ATP2B2: variants seen among roughly 807,000 people sequenced by gnomAD.
The protein encoded by ATP2B2 is ATPase plasma membrane Ca2+ transporting 2.
In ATP2B2, 15 loss-of-function variants were observed where a neutral mutation model predicts 120.0. That is an observed-to-expected ratio of 0.12 (90% CI 0.08 to 0.19). The LOEUF (loss-of-function observed/expected upper bound fraction) is 0.19. ATP2B2 is among the 10% of genes least tolerant of loss of function. ATP2B2 has a pLI of 1.00. For missense variants in ATP2B2, 1,045 were observed against 1,719.8 expected (o/e 0.61, Z 6.94); for synonymous variants, 694 against 700.3 (o/e 0.99, Z 0.14).
At chr3:10,348,140 C>A (rs976861839) in intron 16 of ATP2B2, among the ~76,000 whole-genome samples, 2 of 152,156 alleles carry the variant, frequency 1.3e-5, no homozygotes, top group African/African-American at 2.4e-5. Flanking sequence ...TCTCCCTCCT[C>A]GCTCGATGTC....
intron 2 of ATP2B2, among the ~76,000 whole-genome samples, chr3:10,559,717 C>T (rs913764531): frequency 6.6e-6 from 1 of 152,202 alleles, no homozygotes; most frequent in Non-Finnish European, 1.5e-5. Context: ...ATCTGCACAA[C>T]TCATTGGCTC....
intron 22 of ATP2B2, chr3:10,336,093 C>A: frequency 6.5e-7 from 1 of 1,545,706 alleles, no homozygotes; most frequent in South Asian, 1.2e-5. Flanking sequence ...CTGGCGTGGG[C>A]AGTGCCAGCC....
At chr3:10,601,975 G>C (rs1449810631) in intron 2 of ATP2B2, among the ~76,000 whole-genome samples, 2 of 152,240 alleles carry the variant, frequency 1.3e-5, no homozygotes, top group African/African-American at 4.8e-5. Flanking sequence ...GATCCAGGCT[G>C]CCTAACCCTG....
chr3:10,586,892 A>G (rs2068521963), intron 2 of ATP2B2, among the ~76,000 whole-genome samples: 2 of 152,112 alleles, frequency 1.3e-5, no homozygotes, highest in African/African-American at 2.4e-5. Flanking sequence ...CCCTGCTCAC[A>G]TGGCACCTCC....
intron 6 of ATP2B2, 134 bp downstream of exon 6, chr3:10,388,143 G>C: frequency 7.6e-7 from 1 of 1,324,020 alleles, no homozygotes; most frequent in South Asian, 1.2e-5. Flanking sequence ...CCTTAAGGAT[G>C]CAGGAGGTGG....
rs1481204595 is a variant in ATP2B2 at position 10,580,785 on chromosome 3, CA to C, written c.-415+39131del. Among the ~76,000 whole-genome samples the C allele has an allele frequency of 2.6e-5, 4 of 152,220 alleles. No homozygotes were observed. In the East Asian group the frequency reaches 7.7e-4, roughly 29 times the overall value. ...TCCATAGACCAGGTGCTGGCCCAAC[CA>C]CAGCCTGTGGCCACATCAGGCTTCA... is the stretch of plus-strand genomic sequence containing the variant. On this transcript the variant is annotated intron_variant, in intron 2 of 21. Transcript: ENST00000646379.
At chr3:10,398,970 G>T (rs1449776746) in intron 5 of ATP2B2, among the ~76,000 whole-genome samples, 1 of 152,108 alleles carries the variant, frequency 6.6e-6, no homozygotes, top group African/African-American at 2.4e-5. Context: ...TCTGCCCGTC[G>T]TATCTTTTCC....
chr3:10,541,112 T>C (rs573245470), intron 2 of ATP2B2, among the ~76,000 whole-genome samples: 1 of 152,310 alleles, frequency 6.6e-6, no homozygotes, highest in Non-Finnish European at 1.5e-5. Context: ...TTATTCTTTG[T>C]TTCATTCTCA....
intron 1 of ATP2B2, among the ~76,000 whole-genome samples, chr3:10,496,788 G>C (rs1016232662): frequency 6.6e-6 from 1 of 152,206 alleles, no homozygotes; most frequent in African/African-American, 2.4e-5. Flanking sequence ...TTGTTTCAAA[G>C]ATGGGAAACT....
intron 1 of ATP2B2, among the ~76,000 whole-genome samples, chr3:10,494,954 CCA>C (rs1429348186): frequency 1.3e-5 from 2 of 152,312 alleles, no homozygotes; most frequent in African/African-American, 2.4e-5. Context: ...GGAATTTGAA[CCA>C]CAGTTTCCTC....
Position 10,596,963 on chromosome 3 carries a change from GCACA to G in ATP2B2, c.-415+22950_-415+22953del, listed in dbSNP as rs564470341. On this transcript the variant is annotated intron_variant, in intron 2 of 21. Transcript: ENST00000646379. Reference sequence around the variant, plus strand: ...TGGCACACCACAGGCGAGTACGCGTGCACACACACAGGCACACGCACACGCAGGT... The same window carrying G: ...TGGCACACCACAGGCGAGTACGCGTGCACACAGGCACACGCACACGCAGGT... Among the ~76,000 whole-genome samples, 399 of 152,180 alleles carry G rather than the reference GCACA, an allele frequency of 2.6e-3. 2 individuals carry two copies. Among genetic ancestry groups the G allele is most frequent in the Non-Finnish European group, 3.9e-3 (265 of 67,980 alleles).
chr3:10,585,481 G>A (rs112697764), intron 2 of ATP2B2, among the ~76,000 whole-genome samples: 4,379 of 97,506 alleles, frequency 0.045, 120 homozygotes, highest in East Asian at 0.22. Flanking sequence ...GCGACAGAGC[G>A]AGACTCCGTC....
intron 1 of ATP2B2, among the ~76,000 whole-genome samples, chr3:10,623,282 C>T (rs1339597200): frequency 2.0e-5 from 3 of 152,088 alleles, no homozygotes; most frequent in African/African-American, 7.2e-5. Flanking sequence ...TGGTCTCAAA[C>T]TCCTGGCTCA....
At chr3:10,567,478 C>A (rs939847418) in intron 2 of ATP2B2, among the ~76,000 whole-genome samples, 1 of 152,180 alleles carries the variant, frequency 6.6e-6, no homozygotes, top group African/African-American at 2.4e-5. Context: ...CAGGAGCCTG[C>A]CAGCCTGGCT....
At chr3:10,485,669 C>T (rs2065617901) in intron 1 of ATP2B2, among the ~76,000 whole-genome samples, 2 of 152,248 alleles carry the variant, frequency 1.3e-5, no homozygotes, top group Middle Eastern at 3.4e-3. Context: ...GGGGAGAGAG[C>T]CTGTCCATCT....
intron 1 of ATP2B2, among the ~76,000 whole-genome samples, chr3:10,495,110 C>A (rs1392150511): frequency 6.6e-6 from 1 of 152,190 alleles, no homozygotes; most frequent in East Asian, 1.9e-4. Flanking sequence ...TCCTGGGGGC[C>A]AGGCCTGTTG....
intron 2 of ATP2B2, among the ~76,000 whole-genome samples, chr3:10,611,204 C>T (rs893862829): frequency 3.9e-5 from 6 of 152,300 alleles, no homozygotes; most frequent in East Asian, 3.9e-4. Context: ...GACATTTCTT[C>T]GTAATGCTGT....
chr3:10,514,681 A>AC (rs1412159052), intron 3 of ATP2B2, among the ~76,000 whole-genome samples: 1 of 152,010 alleles, frequency 6.6e-6, no homozygotes, highest in African/African-American at 2.4e-5. Flanking sequence ...CCCATAAGGA[A>AC]CCCCCCTTAT....
At position 10,338,262 on chromosome 3, in the gene ATP2B2, C is replaced by G; in HGVS notation, c.3334G>C (p.Asp1112His). Residue 1112 changes from aspartate to histidine, a missense_variant, in exon 22 of 23, where the codon GAC becomes CAC. Around this residue, in one of 11 missense-constraint regions of ATP2B2, gnomAD observed 211 missense variants for 385.1 expected, o/e 0.55. Coordinates refer to ENST00000360273, the MANE Select transcript of ATP2B2 (RefSeq NM_001001331.4). ...EEIPEEELNEDVEEIDHAERE... is the reference protein window; with the variant it reads ...EEIPEEELNEHVEEIDHAERE... ...TCCGCGTGGTCGATCTCCTCCACGT[C>G]CTCGTTGAGCTCCTCCTCCGGGATC... 6.2e-7 allele frequency: 1 copy of G among 1,614,150 alleles called. No individual in the cohort carries two copies. Among genetic ancestry groups the G allele is most frequent in the Non-Finnish European group, 8.5e-7 (1 of 1,179,978 alleles).
Sources: gnomAD v4.1 joint callset for allele counts (sites outside exome capture counted in the v4.1 genomes callset) on GRCh38, gnomAD v4.1.1 for gene constraint, gnomAD v4.1.1 regional missense constraint, MANE v1.5 for transcripts, NCBI Gene and HGNC (gene_info 2026-07-23, HGNC 2026-07-21) for gene names.